Variants in UBE2O observed in about 807,000 individuals in gnomAD.
UBE2O encodes the protein (E3-independent) E2 ubiquitin-conjugating enzyme.
UBE2O carries 15 observed loss-of-function variants against 125.8 expected under a neutral mutation model. The observed-to-expected ratio is 0.12, with a 90% CI of 0.08 to 0.18. UBE2O has a LOEUF of 0.18. Among genes scored for constraint, UBE2O ranks in the 10% least tolerant of loss-of-function variants. The pLI is 1.00. For synonymous variants in UBE2O, 708 were observed against 703.2 expected, an observed-to-expected ratio of 1.01 and a Z score of -0.11; for missense variants, 1,280 against 1,723.6, an observed-to-expected ratio of 0.74 and a Z score of 4.56.
intron 15 of UBE2O, among the ~76,000 whole-genome samples, chr17:76,393,102 T>C (rs2072143579): frequency 6.7e-6 from 1 of 150,004 alleles, no homozygotes; most frequent in African/African-American, 2.5e-5. Flanking sequence ...CTACAAAAAA[T>C]AAAAAATTAG....
Position 76,396,052 on chromosome 17 carries a change from G to A in UBE2O, c.2809+76C>T. The A allele has an allele frequency of 6.5e-7, 1 of 1,533,126 alleles. No individual in the cohort carries two copies. Among genetic ancestry groups the A allele is most frequent in the Non-Finnish European group, 8.9e-7 (1 of 1,124,376 alleles). The allele number at this position is 1,533,126 out of a possible 1,614,324, so 95.0% of individuals were successfully genotyped here. ...GTCTGGCGAGGGGACTAACCACCCT[G>A]CACCCAGATCTGGTGACACAAACAG... On this transcript the variant is annotated intron_variant, in intron 14 of 17. Coordinates refer to ENST00000319380, the MANE Select transcript of UBE2O (RefSeq NM_022066.4). This position sits in a 1 kb window ranked among gnomAD's most constrained non-coding sequence, Gnocchi z 6.7.
At chr17:76,408,150 T>C (rs1025033597) in intron 1 of UBE2O, among the ~76,000 whole-genome samples, 1 of 152,156 alleles carries the variant, frequency 6.6e-6, no homozygotes, top group African/African-American at 2.4e-5. Flanking sequence ...CACTGAACAG[T>C]TACTTCCAAA....
intron 1 of UBE2O, among the ~76,000 whole-genome samples, chr17:76,449,470 G>T (rs2073200553): frequency 6.6e-6 from 1 of 152,228 alleles, no homozygotes; most frequent in Admixed American, 6.5e-5. Flanking sequence ...AGCTATGCGG[G>T]AGGCTGAGGC....
In UBE2O at chr17:76,400,149, T is replaced by G. The variant is rs1482968011; in HGVS notation, c.1153A>C (p.Lys385Gln). 1 of 1,613,650 alleles carries G rather than the reference T, an allele frequency of 6.2e-7. No homozygotes were observed. Among genetic ancestry groups the G allele is most frequent in the African/African-American group, 1.3e-5 (1 of 75,050 alleles). Residue 385 changes from lysine (K) to glutamine (Q), a missense_variant and splice_region_variant, in exon 8 of 18, where the codon AAG becomes CAG. Transcript: ENST00000319380. This position sits in a 1 kb window ranked among gnomAD's most constrained non-coding sequence, Gnocchi z 4.3. ...AATCCCCAACCCCAAGGACATACCT[T>G]CTTGGCCATAGAGCCCTCCCCCTGG... ...CAQGEGSMAK[K>Q]VKRLLKKQVV... is the part of the protein sequence containing the mutation.
At position 76,400,082 on chromosome 17, in the gene UBE2O, G is replaced by A. The variant is rs954051191; in HGVS notation, c.1155+65C>T. 1 of 1,572,156 alleles carries A rather than the reference G, an allele frequency of 6.4e-7. No individual in the cohort carries two copies. Among genetic ancestry groups the A allele is most frequent in the Non-Finnish European group, 8.6e-7 (1 of 1,157,080 alleles). On this transcript the variant is annotated intron_variant, in intron 8 of 17. Coordinates refer to ENST00000319380, the MANE Select transcript of UBE2O (RefSeq NM_022066.4). The surrounding 1 kb of genome is among the most constrained non-coding windows in gnomAD (Gnocchi z 4.3). Reference sequence around the variant, plus strand: ...GCCTAAAGCACAGACTGTCCTTCTTGGCCATGGAAATGGCTCAAGGCCAGT... The same window carrying A: ...GCCTAAAGCACAGACTGTCCTTCTTAGCCATGGAAATGGCTCAAGGCCAGT...
At chr17:76,417,327 G>A (rs1567843968) in intron 1 of UBE2O, among the ~76,000 whole-genome samples, 1 of 152,246 alleles carries the variant, frequency 6.6e-6, no homozygotes, top group Non-Finnish European at 1.5e-5. Flanking sequence ...TGGGGCACCA[G>A]GGCAGGTCCC....
intron 1 of UBE2O, among the ~76,000 whole-genome samples, chr17:76,451,742 G>C (rs538507824): frequency 1.3e-5 from 2 of 151,542 alleles, no homozygotes; most frequent in African/African-American, 4.9e-5. Context: ...AAGGGGAGGG[G>C]AAGTAGGAGA....
At chr17:76,423,900 T>TTC (rs1341618285) in intron 1 of UBE2O, among the ~76,000 whole-genome samples, 7 of 127,616 alleles carry the variant, frequency 5.5e-5, no homozygotes, top group Admixed American at 5.5e-4. Flanking sequence ...TGGGTTCTTT[T>TTC]TTTTTTTTTT....
chr17:76,405,106 G>A lies in UBE2O; in HGVS notation c.588+100C>T. ...CTCCGCCTTCTGACCCAGGAAGGCT[G>A]TGCTTGGCAAGAGCACGGAGGAGGC... On this transcript the variant is annotated intron_variant, in intron 3 of 17. Coordinates refer to ENST00000319380, the MANE Select transcript of UBE2O (RefSeq NM_022066.4). The surrounding 1 kb of genome is among the most constrained non-coding windows in gnomAD (Gnocchi z 6.1). 2 of 877,312 alleles carry A rather than the reference G, an allele frequency of 2.3e-6. No individual in the cohort carries two copies. Among genetic ancestry groups the A allele is most frequent in the Non-Finnish European group, 3.5e-6 (2 of 568,632 alleles). The allele number at this position is 877,312 out of a possible 1,614,324, so 54.3% of individuals were successfully genotyped here. A position where few individuals can be genotyped will look rare whatever the true frequency, so the allele number is the denominator to read the frequency against.
chr17:76,427,609 AGTTCTGCCTTT>A (rs892789571), intron 1 of UBE2O, among the ~76,000 whole-genome samples: 45 of 152,346 alleles, frequency 3.0e-4, no homozygotes, highest in African/African-American at 1.1e-3. Flanking sequence ...ACTCTAGAAA[AGTTCTGCCTTT>A]GTTCTGCAAG....
At chr17:76,437,960 G>A (rs2073024942) in intron 1 of UBE2O, among the ~76,000 whole-genome samples, 2 of 152,282 alleles carry the variant, frequency 1.3e-5, no homozygotes, top group East Asian at 1.9e-4. Context: ...GTCTCTCGTT[G>A]CCTGGATGCC....
chr17:76,421,776 T>C (rs2072716542), intron 1 of UBE2O, among the ~76,000 whole-genome samples: 1 of 152,222 alleles, frequency 6.6e-6, no homozygotes, highest in South Asian at 2.1e-4. Context: ...GCTTGTGGCC[T>C]TTCTTTCATG....
At chr17:76,435,490 G>A (rs1267188649) in intron 1 of UBE2O, among the ~76,000 whole-genome samples, 1 of 151,216 alleles carries the variant, frequency 6.6e-6, no homozygotes, top group Non-Finnish European at 1.5e-5. Flanking sequence ...TTGGCCTTAC[G>A]AGGCAGACAA....
intron 1 of UBE2O, among the ~76,000 whole-genome samples, chr17:76,444,739 A>G (rs2073127045): frequency 6.6e-6 from 1 of 152,220 alleles, no homozygotes; most frequent in African/African-American, 2.4e-5. Flanking sequence ...ACCCAAAAGC[A>G]CACTGGGGGA....
At chr17:76,441,892 C>T (rs933718894) in intron 1 of UBE2O, among the ~76,000 whole-genome samples, 2 of 152,254 alleles carry the variant, frequency 1.3e-5, no homozygotes, top group Non-Finnish European at 2.9e-5. Flanking sequence ...GCCCCGCCCC[C>T]AAGGGTCTTG....
Position 76,395,532 on chromosome 17 carries a change from A to C in UBE2O, c.2946+193T>G, listed in dbSNP as rs531675474. 4 of 581,668 alleles carry C rather than the reference A, an allele frequency of 6.9e-6. No homozygotes were observed. Among genetic ancestry groups the C allele is most frequent in the African/African-American group, 3.8e-5 (2 of 52,864 alleles). The allele number at this position is 581,668 out of a possible 1,614,324, so 36.0% of individuals were successfully genotyped here. On this transcript the variant is annotated intron_variant, in intron 15 of 17. Coordinates refer to ENST00000319380, the MANE Select transcript of UBE2O (RefSeq NM_022066.4). This position sits in a 1 kb window ranked among gnomAD's most constrained non-coding sequence, Gnocchi z 5.0. ...TAAAGGAGGGAGGAAAGAAAGAACCATCTGGCCTGGACACACGGCTGAGTC... is the reference window on the plus strand; with the variant it reads ...TAAAGGAGGGAGGAAAGAAAGAACCCTCTGGCCTGGACACACGGCTGAGTC...
In UBE2O at chr17:76,410,925, T is replaced by G. The variant is rs1363591264; in HGVS notation, c.418-5353A>C. ...ACTGACCTTGACTGACCAGGTGGAA[T>G]CCAAATTCACTGTATAAAGTGATCC... On this transcript the variant is annotated intron_variant, in intron 1 of 17. Transcript: ENST00000319380. This position sits in a 1 kb window ranked among gnomAD's most constrained non-coding sequence, Gnocchi z 4.0. Among the ~76,000 whole-genome samples the G allele has an allele frequency of 6.6e-6, 1 of 151,854 alleles. No individual in the cohort carries two copies. The highest frequency in any genetic ancestry group is 2.4e-5 in the African/African-American group (1 of 41,342).
intron 5 of UBE2O, 68 bp from the exon 6 acceptor site, chr17:76,401,222 G>T: frequency 6.4e-7 from 1 of 1,561,502 alleles, no homozygotes; most frequent in Non-Finnish European, 8.7e-7. Context: ...TGCTCTCCAC[G>T]CCTGTGCCCG....
chr17:76,437,461 A>G (rs1254663), intron 1 of UBE2O, among the ~76,000 whole-genome samples: 2,149 of 151,898 alleles, frequency 0.014, 20 homozygotes, highest in Middle Eastern at 0.027. Context: ...AAAAAAAAAA[A>G]AAAGAAAAAG....
Sources: gnomAD v4.1 joint callset for allele counts (sites outside exome capture counted in the v4.1 genomes callset) on GRCh38, gnomAD v4.1.1 for gene constraint, Gnocchi (gnomAD v3.1) non-coding constraint, MANE v1.5 for transcripts, NCBI Gene and HGNC (gene_info 2026-07-23, HGNC 2026-07-21) for gene names.